The following SLC28A3 variants were observed in gnomAD, a reference collection of about 807,000 sequenced individuals.
The protein encoded by SLC28A3 is solute carrier family 28 member 3, also known as concentrative Na(+)-nucleoside cotransporter 3.
Under a neutral mutation model 84.2 loss-of-function variants are expected in SLC28A3, and 68 were observed. The ratio of observed to expected loss-of-function variants is 0.81; its 90% CI spans 0.66 to 0.99. SLC28A3 has a LOEUF of 0.99. Ranked by LOEUF, SLC28A3 falls within the 50% of genes least tolerant of loss-of-function variation. SLC28A3 has a pLI of 0.00. For synonymous variants in SLC28A3, 267 were observed against 303.6 expected (o/e 0.88, Z 1.25); for missense variants, 712 against 841.5 (o/e 0.85, Z 1.90).
chr9:84,311,412 A>T (rs1353019963), intron 2 of SLC28A3, among the ~76,000 whole-genome samples: 2 of 151,984 alleles, frequency 1.3e-5, no homozygotes, highest in African/African-American at 4.8e-5. Flanking sequence ...ATTTGTTACA[A>T]CTGAGGAGCC....
Position 84,313,400 on chromosome 9 carries a change from T to C in SLC28A3, c.115A>G (p.Ser39Gly). Reference protein sequence around the residue: ...ENTSGNNSIRSRAVQSREHTN... With the variant: ...ENTSGNNSIRGRAVQSREHTN... ...TGCTCCCTGCTTTGCACAGCTCTGC[T>C]TCTTATTGAGTTGTTTCCTGATGTG... Residue 39 changes from serine (S) to glycine (G), a missense_variant, in exon 2 of 18, where the codon AGC (serine) becomes GGC (glycine). Ser to Gly is a moderately conservative substitution (Grantham distance 56). Transcript: ENST00000376238. 1.2e-6 allele frequency: 2 copies of C among 1,614,172 alleles called. No individual in the cohort carries two copies. The highest frequency in any genetic ancestry group is 8.5e-7 in the Non-Finnish European group (1 of 1,180,004).
chr9:84,326,674 A>G (rs1161821265), intron 1 of SLC28A3, among the ~76,000 whole-genome samples: 3 of 138,920 alleles, frequency 2.2e-5, no homozygotes, highest in Non-Finnish European at 4.8e-5. Context: ...AACAACAACA[A>G]CAACAACAAC....
chr9:84,328,156 T>TACACAC (rs71498096), intron 1 of SLC28A3, among the ~76,000 whole-genome samples: 12,149 of 131,812 alleles, frequency 0.092, 834 homozygotes, highest in African/African-American at 0.19. Context: ...GGGAAAAGAC[T>TACACAC]ACACACACAC....
intron 7 of SLC28A3, 103 bp from the exon 8 acceptor site, chr9:84,297,401 G>A: frequency 1.2e-6 from 1 of 850,942 alleles, no homozygotes; most frequent in Non-Finnish European, 1.9e-6. Flanking sequence ...CAGCAAATGT[G>A]TTGGATAGAC....
chr9:84,287,091 C>G (rs1010152442), intron 12 of SLC28A3, among the ~76,000 whole-genome samples: 8 of 152,074 alleles, frequency 5.3e-5, no homozygotes, highest in Non-Finnish European at 1.0e-4. Flanking sequence ...GTAGTCCTAG[C>G]TACTCAAGGG....
chr9:84,304,983 T>C (rs949490080), intron 4 of SLC28A3, among the ~76,000 whole-genome samples: 3 of 151,936 alleles, frequency 2.0e-5, no homozygotes, highest in African/African-American at 7.3e-5. Flanking sequence ...GATGGCGCCA[T>C]TGCACTCCAG....
chr9:84,357,375 G>T, the SLC28A3 span, among the ~76,000 whole-genome samples: 3 of 152,084 alleles, frequency 2.0e-5, no homozygotes, highest in African/African-American at 7.2e-5. Context: ...TCAAAAGCTT[G>T]GGAGAGAGGA....
intron 1 of SLC28A3, among the ~76,000 whole-genome samples, chr9:84,337,441 T>TGTGTGTGTGTGTGTGCGC (rs1364543892): frequency 1.3e-5 from 2 of 150,904 alleles, no homozygotes; most frequent in African/African-American, 5.0e-5. Flanking sequence ...CCTGTGTGTG[T>TGTGTGTGTGTGTGTGCGC]GCGCGCGCGT....
chr9:84,328,805 G>A (rs1451231165), intron 1 of SLC28A3, among the ~76,000 whole-genome samples: 1 of 152,122 alleles, frequency 6.6e-6, no homozygotes, highest in Non-Finnish European at 1.5e-5. Context: ...ACAGGTGCCT[G>A]TAGTCCCAGC....
chr9:84,350,285 T>G, the SLC28A3 span, among the ~76,000 whole-genome samples: 1 of 151,840 alleles, frequency 6.6e-6, no homozygotes, highest in Non-Finnish European at 1.5e-5. Flanking sequence ...CTACTAAAAA[T>G]ACAAAAATTA....
chr9:84,349,476 A>T, the SLC28A3 span, among the ~76,000 whole-genome samples: 1 of 152,208 alleles, frequency 6.6e-6, no homozygotes, highest in African/African-American at 2.4e-5. Context: ...ACTTCAAGTG[A>T]TCTGTCCGCC....
chr9:84,361,911 AAAAT>A, the SLC28A3 span, among the ~76,000 whole-genome samples: 6 of 151,016 alleles, frequency 4.0e-5, no homozygotes, highest in Admixed American at 2.6e-4. Context: ...TCTGTCTCTA[AAAAT>A]AAATAAATAA....
At chr9:84,307,614 A>G (rs1213647425) in intron 3 of SLC28A3, among the ~76,000 whole-genome samples, 1 of 152,220 alleles carries the variant, frequency 6.6e-6, no homozygotes, top group African/African-American at 2.4e-5. Context: ...TTGGGTGAAT[A>G]AAAGTGTAGT....
At chr9:84,345,768 G>C in the SLC28A3 span, among the ~76,000 whole-genome samples, 5 of 152,094 alleles carry the variant, frequency 3.3e-5, no homozygotes, top group African/African-American at 4.8e-5. Context: ...CATATCCAGA[G>C]AACTTGTAAT....
At chr9:84,288,619 C>T (rs767795892) in intron 11 of SLC28A3, among the ~76,000 whole-genome samples, 5 of 151,834 alleles carry the variant, frequency 3.3e-5, no homozygotes, top group Non-Finnish European at 5.9e-5. Flanking sequence ...GATCTTGGCT[C>T]CCTGCAACCT....
chr9:84,279,475 G>A (rs952396988), intron 16 of SLC28A3, 90 bp from the exon 17 acceptor site: 25 of 1,042,886 alleles, frequency 2.4e-5, no homozygotes, highest in African/African-American at 6.7e-5. Flanking sequence ...AGAGTCTTGC[G>A]CTTTTGCCCA....
chr9:84,352,204 GA>G, the SLC28A3 span, among the ~76,000 whole-genome samples: 1 of 151,698 alleles, frequency 6.6e-6, no homozygotes, highest in African/African-American at 2.4e-5. Context: ...TTTTTTTTAA[GA>G]CAGAGTCTCG....
the SLC28A3 span, among the ~76,000 whole-genome samples, chr9:84,352,087 A>AT: frequency 1.3e-5 from 2 of 152,256 alleles, no homozygotes; most frequent in South Asian, 2.1e-4. Context: ...TACATTTAGC[A>AT]TTTTTTTAAT....
chr9:84,314,118 C>T (rs1826086833), intron 1 of SLC28A3, among the ~76,000 whole-genome samples: 1 of 151,944 alleles, frequency 6.6e-6, no homozygotes, highest in African/African-American at 2.4e-5. Context: ...GCTGAATAGC[C>T]TTATTCTTAG....
Sources: gnomAD v4.1 joint callset for allele counts (sites outside exome capture counted in the v4.1 genomes callset) on GRCh38, gnomAD v4.1.1 for gene constraint, MANE v1.5 for transcripts, NCBI Gene and HGNC (gene_info 2026-07-23, HGNC 2026-07-21) for gene names.